DLEU7: variants seen among roughly 807,000 people sequenced by gnomAD.
The protein encoded by DLEU7 is leukemia-associated protein 7.
Under a neutral mutation model 16.0 loss-of-function variants are expected in DLEU7, and 17 were observed. The observed-to-expected ratio is 1.06, with a 90% CI of 0.73 to 1.59. DLEU7 has a LOEUF of 1.59. Among genes scored for constraint, DLEU7 ranks in the 40% most tolerant of loss-of-function variants. The pLI is 0.00. For synonymous variants in DLEU7, 113 were observed against 139.8 expected (o/e 0.81, Z 1.35); for missense variants, 308 against 314.9 (o/e 0.98, Z 0.17).
intron 1 of DLEU7, among the ~76,000 whole-genome samples, chr13:50,790,778 C>G (rs1290083322): frequency 6.6e-6 from 1 of 152,126 alleles, no homozygotes; most frequent in Non-Finnish European, 1.5e-5. Context: ...GTCAGGCTTC[C>G]TGTAGAGATT....
intron 1 of DLEU7, among the ~76,000 whole-genome samples, chr13:50,793,221 T>C (rs1876015240): frequency 6.6e-6 from 1 of 152,212 alleles, no homozygotes; most frequent in African/African-American, 2.4e-5. Context: ...ATTCTTTTTT[T>C]TAATGACTGT....
chr13:50,765,755 A>T (rs1875083959), intron 1 of DLEU7, among the ~76,000 whole-genome samples: 1 of 152,080 alleles, frequency 6.6e-6, no homozygotes, highest in Admixed American at 6.5e-5. Flanking sequence ...TGTGCCAGGC[A>T]CTGTACTGGG....
intron 1 of DLEU7, among the ~76,000 whole-genome samples, chr13:50,824,675 C>T (rs1346149368): frequency 6.6e-6 from 1 of 152,150 alleles, no homozygotes; most frequent in Non-Finnish European, 1.5e-5. Flanking sequence ...GAATTACCCT[C>T]TGTACTAGAT....
intron 1 of DLEU7, among the ~76,000 whole-genome samples, chr13:50,837,558 T>A (rs1877511881): frequency 6.6e-6 from 1 of 152,182 alleles, no homozygotes; most frequent in Admixed American, 6.6e-5. Flanking sequence ...TTTTCTAATA[T>A]AAAAGCATGA....
chr13:50,843,307 G>T lies in DLEU7; in HGVS notation c.340C>A (p.Gln114Lys). 6.5e-7 allele frequency: 1 copy of T among 1,542,120 alleles called. No homozygotes were observed. Among genetic ancestry groups the T allele is most frequent in the Non-Finnish European group, 8.7e-7 (1 of 1,144,926 alleles). ...GCCAGCGCGCTGCGCATCGCCATCT[G>T]GGCCAGGGTGCAGGGCCCGCGGTCC... ...PRDRGPCTLA[Q>K]MAMRSALARV... The change falls in exon 1 of 2, where the codon CAG becomes AAG. Residue 114 changes from glutamine to lysine, a missense_variant. Gln to Lys is a moderately conservative substitution (Grantham distance 53). Coordinates refer to ENST00000504404, the MANE Select transcript of DLEU7 (RefSeq NM_001306135.2). The surrounding 1 kb of genome is among the most constrained non-coding windows in gnomAD (Gnocchi z 5.7).
chr13:50,843,791 C>T (rs1002904470), upstream of DLEU7: 10 of 1,157,914 alleles, frequency 8.6e-6, no homozygotes, highest in Non-Finnish European at 1.2e-5. The surrounding 1 kb of genome is among the most constrained non-coding windows in gnomAD (Gnocchi z 5.7). Flanking sequence ...CGGCCCCGCC[C>T]CCGGCTCTGA....
chr13:50,832,660 C>T (rs953431064), intron 1 of DLEU7, among the ~76,000 whole-genome samples: 2 of 152,180 alleles, frequency 1.3e-5, no homozygotes, highest in African/African-American at 4.8e-5. Flanking sequence ...AGCTGCGTCC[C>T]AGAGATTCTG....
intron 1 of DLEU7, among the ~76,000 whole-genome samples, chr13:50,773,789 A>G (rs1030941543): frequency 1.3e-5 from 2 of 152,142 alleles, no homozygotes; most frequent in Admixed American, 6.5e-5. Flanking sequence ...GTGCTGGGAG[A>G]ACGACTGCTC....
At chr13:50,730,209 G>A (rs1299670265) in intron 1 of DLEU7, among the ~76,000 whole-genome samples, 1 of 151,852 alleles carries the variant, frequency 6.6e-6, no homozygotes, top group Non-Finnish European at 1.5e-5. Context: ...AGCTGGAAGA[G>A]GTGGAAGGGG....
intron 1 of DLEU7, chr13:50,715,297 T>G (rs574568828): frequency 6.6e-6 from 1 of 152,356 alleles, no homozygotes; most frequent in South Asian, 2.1e-4. Context: ...CATCTAAAAA[T>G]CTGTTACCTT....
At chr13:50,729,438 G>A (rs972194232) in intron 1 of DLEU7, among the ~76,000 whole-genome samples, 7 of 152,016 alleles carry the variant, frequency 4.6e-5, no homozygotes, top group African/African-American at 1.7e-4. Flanking sequence ...ACTATTGATG[G>A]GCACCTAGGG....
intron 1 of DLEU7, among the ~76,000 whole-genome samples, chr13:50,774,893 T>C (rs1875448024): frequency 6.6e-6 from 1 of 152,152 alleles, no homozygotes; most frequent in Non-Finnish European, 1.5e-5. Context: ...AAATGAATTT[T>C]TTAAAGATTT....
At chr13:50,779,092 C>T (rs1374753512) in intron 1 of DLEU7, among the ~76,000 whole-genome samples, 1 of 152,130 alleles carries the variant, frequency 6.6e-6, no homozygotes, top group Admixed American at 6.5e-5. Context: ...TTAGAAAGTA[C>T]CTCAAAGGCT....
chr13:50,838,663 G>A (rs1200962028), intron 1 of DLEU7, among the ~76,000 whole-genome samples: 1 of 152,184 alleles, frequency 6.6e-6, no homozygotes, highest in African/African-American at 2.4e-5. Flanking sequence ...GAGGTACAGA[G>A]ATCATCCAGT....
chr13:50,783,956 T>C (rs1875729056), intron 1 of DLEU7, among the ~76,000 whole-genome samples: 1 of 152,214 alleles, frequency 6.6e-6, no homozygotes, highest in Non-Finnish European at 1.5e-5. Flanking sequence ...GATCACAGAC[T>C]TACCACTCCC....
chr13:50,729,832 C>T (rs564149883), intron 1 of DLEU7, among the ~76,000 whole-genome samples: 2 of 152,180 alleles, frequency 1.3e-5, no homozygotes, highest in Non-Finnish European at 2.9e-5. Context: ...ACGCATACAT[C>T]TTCTTTTGAA....
At chr13:50,786,203 T>C (rs1473838689) in intron 1 of DLEU7, among the ~76,000 whole-genome samples, 1 of 152,164 alleles carries the variant, frequency 6.6e-6, no homozygotes, top group African/African-American at 2.4e-5. Flanking sequence ...TCAAAGAGCC[T>C]GATTTTTACC....
chr13:50,731,063 C>T (rs528682949), intron 1 of DLEU7, among the ~76,000 whole-genome samples: 5 of 152,322 alleles, frequency 3.3e-5, no homozygotes, highest in African/African-American at 1.2e-4. Context: ...CCCAAGTCTT[C>T]ATGTCTAACT....
intron 1 of DLEU7, among the ~76,000 whole-genome samples, chr13:50,841,112 T>G (rs182264531): frequency 9.2e-5 from 14 of 152,284 alleles, no homozygotes; most frequent in African/African-American, 3.4e-4. Context: ...GACAGCTGTC[T>G]TCTGACCTGA....
Sources: gnomAD v4.1 joint callset for allele counts (sites outside exome capture counted in the v4.1 genomes callset) on GRCh38, gnomAD v4.1.1 for gene constraint, Gnocchi (gnomAD v3.1) non-coding constraint, MANE v1.5 for transcripts, NCBI Gene and HGNC (gene_info 2026-07-23, HGNC 2026-07-21) for gene names.